The following MCTP2 variants were observed in gnomAD, a reference collection of about 807,000 sequenced individuals.
The protein encoded by MCTP2 is multiple C2 and transmembrane domain containing 2.
In MCTP2, 132 loss-of-function variants were observed where a neutral mutation model predicts 111.6. The observed-to-expected ratio is 1.18, with a 90% CI of 1.03 to 1.37. The LOEUF (loss-of-function observed/expected upper bound fraction) is 1.37. Among genes scored for constraint, MCTP2 ranks in the 40% most tolerant of loss-of-function variants. MCTP2 has a pLI of 0.00. For missense variants in MCTP2, 1,183 were observed against 1,067.9 expected, an observed-to-expected ratio of 1.11 and a Z score of -1.50; for synonymous variants, 395 against 387.7, an observed-to-expected ratio of 1.02 and a Z score of -0.22.
At chr15:94,471,349 G>A (rs942592145) in intron 21 of MCTP2, among the ~76,000 whole-genome samples, 9 of 152,168 alleles carry the variant, frequency 5.9e-5, no homozygotes, top group South Asian at 4.1e-4. Flanking sequence ...GTGTTGAGAC[G>A]CATTCATCCT....
At chr15:94,310,556 A>G (rs1235857933) in intron 2 of MCTP2, among the ~76,000 whole-genome samples, 1 of 152,182 alleles carries the variant, frequency 6.6e-6, no homozygotes, top group Non-Finnish European at 1.5e-5. Context: ...TGGGAGGCCA[A>G]GGCGGGAAGA....
Position 94,470,378 on chromosome 15 carries a change from G to C in MCTP2, c.2406G>C (p.Leu802Phe), listed in dbSNP as rs778673479. The C allele has an allele frequency of 1.9e-6, 3 of 1,613,976 alleles. No individual in the cohort carries two copies. The South Asian group carries it at 3.3e-5, about 18-fold the overall frequency. Residue 802 changes from leucine (L) to phenylalanine (F), a missense_variant, in exon 21 of 23, where the codon TTG becomes TTC. Physicochemically the swap from Leu to Phe is conservative, Grantham distance 22. Transcript: ENST00000357742. ...TVPFLSSLAC[L>F]ILAAATIILY... is the part of the protein sequence containing the mutation. Reference sequence around the variant, plus strand: ...CCTTCCTTTCATCTCTGGCCTGTTTGATTCTGGCAGCAGCCACCATCATTT... The same window carrying C: ...CCTTCCTTTCATCTCTGGCCTGTTTCATTCTGGCAGCAGCCACCATCATTT...
chr15:94,331,877 A>G (rs144205216), intron 4 of MCTP2, among the ~76,000 whole-genome samples: 96 of 152,296 alleles, frequency 6.3e-4, no homozygotes, highest in African/African-American at 2.3e-3. Flanking sequence ...ATGGCAAAAC[A>G]TGGACAGGAA....
intron 17 of MCTP2, among the ~76,000 whole-genome samples, chr15:94,424,990 C>T (rs1433939): frequency 0.77 from 117,544 of 151,946 alleles, 46,555 homozygotes; most frequent in African/African-American, 0.94. Flanking sequence ...GTTTGTTTTA[C>T]CTTTTGATGA....
chr15:94,446,525 G>T (rs2084126424), intron 19 of MCTP2, among the ~76,000 whole-genome samples: 2 of 152,196 alleles, frequency 1.3e-5, no homozygotes, highest in Non-Finnish European at 2.9e-5. Context: ...TGTGTAAAAT[G>T]CTGTATCCCA....
intron 1 of MCTP2, among the ~76,000 whole-genome samples, chr15:94,278,818 C>T (rs750441825): frequency 2.0e-5 from 3 of 152,090 alleles, no homozygotes; most frequent in African/African-American, 4.8e-5. Context: ...AGGGAGAACA[C>T]GTAGTATTTG....
At chr15:94,326,197 T>C (rs2076864622) in intron 4 of MCTP2, among the ~76,000 whole-genome samples, 1 of 152,196 alleles carries the variant, frequency 6.6e-6, no homozygotes, top group Non-Finnish European at 1.5e-5. Flanking sequence ...ACCTGGTGTT[T>C]TCTCTCTACA....
rs554570377 is a variant in MCTP2, at chr15:94,285,521, T to TTG, written c.-65-12679_-65-12678insGT. Among the ~76,000 whole-genome samples the TTG allele has an allele frequency of 2.6e-4, 39 of 152,124 alleles. 1 individual carries two copies. The South Asian group carries it at 7.7e-3, about 30-fold the overall frequency. On this transcript the variant is annotated intron_variant, in intron 1 of 22. Transcript: ENST00000357742. ...TGCTTTGCTTCACAATTTATTTTTTTTTGTTGAATGGTACATTAACTTCGT... is the reference window on the plus strand; with the variant it reads ...TGCTTTGCTTCACAATTTATTTTTTTTGTTGTTGAATGGTACATTAACTTCGT...
At chr15:94,434,519 A>G (rs1192480355) in intron 17 of MCTP2, among the ~76,000 whole-genome samples, 4 of 152,138 alleles carry the variant, frequency 2.6e-5, no homozygotes, top group Non-Finnish European at 4.4e-5. Flanking sequence ...TCAGATGTAT[A>G]ATCCATTTAG....
Position 94,331,976 on chromosome 15 carries a change from G to C in MCTP2, c.638-7314G>C, listed in dbSNP as rs536063494. ...ATGCGGCCCTTATCTGCAAAAGAAAGATGGGCCATGATAAGCCTGGGAATG... is the reference window on the plus strand; with the variant it reads ...ATGCGGCCCTTATCTGCAAAAGAAACATGGGCCATGATAAGCCTGGGAATG... On this transcript the variant is annotated intron_variant, in intron 4 of 22. Coordinates refer to ENST00000357742, the MANE Select transcript of MCTP2 (RefSeq NM_001385001.1). 3.2e-4 allele frequency among the ~76,000 whole-genome samples: 49 copies of C among 152,316 alleles called. No individual in the cohort carries two copies. In the East Asian group the frequency reaches 8.3e-3, roughly 26 times the overall value.
In MCTP2 at chr15:94,397,323, A is replaced by G. The variant is rs1371943878; in HGVS notation, c.1789-1638A>G. Among the ~76,000 whole-genome samples, 3 of 152,138 alleles carry G rather than the reference A, an allele frequency of 2.0e-5. No homozygotes were observed. In the East Asian group the frequency reaches 5.8e-4, roughly 29 times the overall value. On this transcript the variant is annotated intron_variant, in intron 14 of 22. Coordinates refer to ENST00000357742, the MANE Select transcript of MCTP2 (RefSeq NM_001385001.1). ...ATAAAATATTTCTCTTTATTCTGAT[A>G]CCTCTTGTTCTTCTGTTATTCTTTG... is the stretch of plus-strand genomic sequence containing the variant.
chr15:94,335,578 T>A (rs2077322015), intron 4 of MCTP2, among the ~76,000 whole-genome samples: 1 of 152,188 alleles, frequency 6.6e-6, no homozygotes, highest in Non-Finnish European at 1.5e-5. Flanking sequence ...TCTCCAGCAG[T>A]TTCATTGTTA....
At chr15:94,272,267 A>G (rs185484634) in intron 1 of MCTP2, among the ~76,000 whole-genome samples, 173 of 152,324 alleles carry the variant, frequency 1.1e-3, no homozygotes, top group African/African-American at 4.0e-3. Context: ...TGGATGGCAG[A>G]TAATAACTAT....
chr15:94,245,593 C>T (rs1301318597), intron 1 of MCTP2, among the ~76,000 whole-genome samples: 7 of 140,346 alleles, frequency 5.0e-5, no homozygotes, highest in Middle Eastern at 4.0e-3. Context: ...TGTACATATA[C>T]GTATATAGAC....
intron 21 of MCTP2, among the ~76,000 whole-genome samples, chr15:94,473,414 T>C (rs2074091007): frequency 6.6e-6 from 1 of 152,238 alleles, no homozygotes; most frequent in Non-Finnish European, 1.5e-5. Context: ...AGTGTGATTT[T>C]TGAAAATTAA....
intron 8 of MCTP2, among the ~76,000 whole-genome samples, chr15:94,346,799 T>G (rs1211820660): frequency 9.8e-4 from 149 of 152,254 alleles, no homozygotes; most frequent in Middle Eastern, 3.4e-3. Context: ...AGAAAAAATG[T>G]TGACGGCCTG....
chr15:94,445,611 C>A (rs2570594), intron 19 of MCTP2, among the ~76,000 whole-genome samples: 74,751 of 151,886 alleles, frequency 0.49, 19,546 homozygotes, highest in African/African-American at 0.68. Context: ...ATCAGCTTCT[C>A]CCACCGAGGT....
chr15:94,467,151 A>AT (rs2073415775), intron 20 of MCTP2, among the ~76,000 whole-genome samples: 3 of 152,214 alleles, frequency 2.0e-5, no homozygotes, highest in Non-Finnish European at 1.5e-5. Context: ...AGAGATGGGA[A>AT]AATGAAAGCA....
chr15:94,317,778 G>A (rs921725370), intron 4 of MCTP2, among the ~76,000 whole-genome samples: 2 of 152,134 alleles, frequency 1.3e-5, no homozygotes, highest in Non-Finnish European at 2.9e-5. Context: ...TATGAAGTAT[G>A]TCCTTTTTTT....
Sources: gnomAD v4.1 joint callset for allele counts (sites outside exome capture counted in the v4.1 genomes callset) on GRCh38, gnomAD v4.1.1 for gene constraint, MANE v1.5 for transcripts, NCBI Gene and HGNC (gene_info 2026-07-23, HGNC 2026-07-21) for gene names.